C10orf90: variants seen among roughly 807,000 people sequenced by gnomAD.
The protein encoded by C10orf90 is (E2-independent) E3 ubiquitin-conjugating enzyme FATS.
A neutral mutation model predicts 62.5 loss-of-function variants in C10orf90; 56 were observed. The ratio of observed to expected loss-of-function variants is 0.90; its 90% CI spans 0.72 to 1.12. The LOEUF (loss-of-function observed/expected upper bound fraction) is 1.12, where lower values mean the gene tolerates loss of function less well. Among genes scored for constraint, C10orf90 ranks in the 50% most tolerant of loss-of-function variants. The pLI, the probability that C10orf90 is intolerant of heterozygous loss-of-function variation, is 0.00. For missense variants in C10orf90, 970 were observed against 880.4 expected (o/e 1.10, Z -1.29); for synonymous variants, 386 against 340.4 (o/e 1.13, Z -1.47).
intron 2 of C10orf90, among the ~76,000 whole-genome samples, chr10:126,605,653 C>A (rs1427727263): frequency 1.3e-5 from 2 of 152,036 alleles, no homozygotes; most frequent in Non-Finnish European, 2.9e-5. Context: ...CAAGGTCTCC[C>A]GCTGGTGCCG....
chr10:126,521,493 T>G (rs1591064439), intron 2 of C10orf90: 1 of 1,420,208 alleles, frequency 7.0e-7, no homozygotes. Flanking sequence ...AAGCTCTATA[T>G]GTAATGAAGT....
chr10:126,455,509 G>T (rs7091466), intron 7 of C10orf90, among the ~76,000 whole-genome samples: 126,238 of 152,246 alleles, frequency 0.83, 52,407 homozygotes, highest in South Asian at 0.86. Context: ...TAGGGACTGT[G>T]CCTAGCACTG....
intron 2 of C10orf90, among the ~76,000 whole-genome samples, chr10:126,536,542 G>A (rs116069715): frequency 0.011 from 1,672 of 152,260 alleles, 38 homozygotes; most frequent in African/African-American, 0.038. Flanking sequence ...CCAGCTAAGA[G>A]ACAGGGAGTT....
At chr10:126,615,533 A>T (rs1381150418) in intron 2 of C10orf90, among the ~76,000 whole-genome samples, 1 of 152,208 alleles carries the variant, frequency 6.6e-6, no homozygotes, top group African/African-American at 2.4e-5. Context: ...CAAAATCTTA[A>T]CACAATGATC....
At chr10:126,490,106 T>C (rs1206533631) in intron 4 of C10orf90, among the ~76,000 whole-genome samples, 2 of 107,072 alleles carry the variant, frequency 1.9e-5, no homozygotes, top group South Asian at 5.3e-4. Flanking sequence ...ATATAATATA[T>C]ATGTATATAA....
intron 1 of C10orf90, among the ~76,000 whole-genome samples, chr10:126,665,115 T>A (rs12412594): frequency 6.6e-6 from 1 of 151,950 alleles, no homozygotes; most frequent in Non-Finnish European, 1.5e-5. Context: ...GTTGGCAGAG[T>A]GGCAGAGCTC....
At chr10:126,533,429 G>A (rs953237320) in intron 2 of C10orf90, among the ~76,000 whole-genome samples, 3 of 152,210 alleles carry the variant, frequency 2.0e-5, no homozygotes, top group African/African-American at 7.2e-5. Context: ...AGTGAGACCA[G>A]TCCGTTTAAA....
At chr10:126,616,535 C>T (rs564135910) in intron 2 of C10orf90, among the ~76,000 whole-genome samples, 9 of 152,230 alleles carry the variant, frequency 5.9e-5, no homozygotes, top group Admixed American at 4.6e-4. Context: ...GGGAAGATTT[C>T]GAGAGTCAGA....
intron 4 of C10orf90, among the ~76,000 whole-genome samples, chr10:126,496,057 A>G (rs1168993756): frequency 2.6e-5 from 4 of 152,188 alleles, no homozygotes; most frequent in Non-Finnish European, 4.4e-5. Flanking sequence ...CCTGTTACCC[A>G]CTGTTACTCA....
chr10:126,579,275 C>CT lies in C10orf90; in HGVS notation c.314-65337dup, dbSNP rs35287358. Among the ~76,000 whole-genome samples, 241 of 124,610 alleles carry CT rather than the reference C, an allele frequency of 1.9e-3. 5 individuals are homozygous for CT. Among genetic ancestry groups the CT allele is most frequent in the South Asian group, 0.01 (43 of 4,200 alleles). The allele number at this position is 124,610 out of a possible 152,430, so 81.7% of individuals were successfully genotyped here. A position where few individuals can be genotyped will look rare whatever the true frequency, so the allele number is the denominator to read the frequency against. ...TCTATATTTCTTTCTTTCTTTCTTT[C>CT]TTTTTTTTTTTTTTTGAGACAGAGT... is the stretch of plus-strand genomic sequence containing the variant. On this transcript the variant is annotated intron_variant, in intron 2 of 9. Transcript: ENST00000488181.
chr10:126,478,531 C>T (rs1363527182), intron 4 of C10orf90, among the ~76,000 whole-genome samples: 1 of 152,178 alleles, frequency 6.6e-6, no homozygotes, highest in Non-Finnish European at 1.5e-5. Context: ...AAAATATATA[C>T]ACACAAGATG....
At chr10:126,558,461 C>T (rs889127701) in intron 2 of C10orf90, among the ~76,000 whole-genome samples, 7 of 152,196 alleles carry the variant, frequency 4.6e-5, no homozygotes, top group African/African-American at 1.7e-4. Context: ...GCAGCACTAA[C>T]GAGCTGTTGA....
intron 2 of C10orf90, among the ~76,000 whole-genome samples, chr10:126,546,468 G>A (rs1249424279): frequency 6.6e-6 from 1 of 152,100 alleles, no homozygotes; most frequent in Non-Finnish European, 1.5e-5. Flanking sequence ...GGTGCCAGAG[G>A]AGACCTTGTA....
At chr10:126,501,970 CACACACACACACCACACACGCAT>C (rs1487255237) in intron 4 of C10orf90, among the ~76,000 whole-genome samples, 10 of 148,898 alleles carry the variant, frequency 6.7e-5, no homozygotes, top group African/African-American at 2.5e-4. Context: ...ACATATACAC[CACACACACACACCACACACGCAT>C]ACACACACAC....
intron 5 of C10orf90, chr10:126,463,401 T>A (rs1223023918): frequency 6.6e-6 from 1 of 152,252 alleles, no homozygotes; most frequent in Non-Finnish European, 1.5e-5. Context: ...GGCAGTAGTT[T>A]CCTCTTGAGC....
intron 2 of C10orf90, among the ~76,000 whole-genome samples, chr10:126,557,305 T>C (rs991276085): frequency 4.0e-5 from 6 of 151,564 alleles, no homozygotes; most frequent in African/African-American, 9.7e-5. Context: ...CACGGTGAAA[T>C]CCCGTCTCTA....
intron 2 of C10orf90, among the ~76,000 whole-genome samples, chr10:126,579,364 C>T (rs190375002): frequency 3.9e-4 from 59 of 151,806 alleles, no homozygotes; most frequent in African/African-American, 1.1e-3. Context: ...CCTCAACCTC[C>T]CGAGTAGCTG....
chr10:126,555,044 C>T (rs114296036), intron 2 of C10orf90, among the ~76,000 whole-genome samples: 1,754 of 152,260 alleles, frequency 0.012, 27 homozygotes, highest in African/African-American at 0.037. Context: ...AATCTGATTG[C>T]GGTCCACACA....
At chr10:126,520,930 G>C in intron 2 of C10orf90, 1 of 175,000 alleles carries the variant, frequency 5.7e-6, no homozygotes, top group Non-Finnish European at 1.2e-5. Context: ...CCCTACTCCA[G>C]TGTGACCTCA....
Sources: allele counts gnomAD v4.1 joint callset (sites outside exome capture counted in the v4.1 genomes callset), GRCh38; gene constraint gnomAD v4.1.1; transcripts MANE v1.5; gene names NCBI Gene and HGNC (gene_info 2026-07-23, HGNC 2026-07-21).